MOV10L1: variants seen among roughly 807,000 people sequenced by gnomAD.
The protein encoded by MOV10L1 is Mov10 like RNA helicase 1.
A neutral mutation model predicts 143.8 loss-of-function variants in MOV10L1; 110 were observed. That is an observed-to-expected ratio of 0.76 (90% confidence interval 0.66 to 0.90). The LOEUF is 0.90. Among genes scored for constraint, MOV10L1 ranks in the 40% least tolerant of loss-of-function variants. The pLI, the probability that MOV10L1 is intolerant of heterozygous loss-of-function variation, is 0.00. For missense variants in MOV10L1, 1,406 were observed against 1,526.8 expected, an observed-to-expected ratio of 0.92 and a Z score of 1.32; for synonymous variants, 593 against 581.1, an observed-to-expected ratio of 1.02 and a Z score of -0.29.
intron 5 of MOV10L1, among the ~76,000 whole-genome samples, chr22:50,110,390 A>G (rs574876856): frequency 1.3e-5 from 2 of 151,442 alleles, no homozygotes; most frequent in African/African-American, 4.9e-5. Flanking sequence ...CGGAGCTTGC[A>G]GTGAGCCGAG....
intron 10 of MOV10L1, among the ~76,000 whole-genome samples, chr22:50,125,156 G>A (rs189042973): frequency 2.6e-5 from 4 of 152,296 alleles, no homozygotes; most frequent in Admixed American, 1.3e-4. Flanking sequence ...GAGGGACACC[G>A]CCAGCTGGAG....
chr22:50,115,036 A>T (rs1486379755), intron 7 of MOV10L1, 78 bp from the exon 8 acceptor site: 32 of 1,446,600 alleles, frequency 2.2e-5, no homozygotes, highest in Non-Finnish European at 2.9e-5. Flanking sequence ...GAGAGTATTC[A>T]TTTCCACTAA....
At chr22:50,103,357 G>A (rs543925367) in intron 3 of MOV10L1, among the ~76,000 whole-genome samples, 6 of 152,292 alleles carry the variant, frequency 3.9e-5, no homozygotes, top group East Asian at 3.9e-4. Context: ...CGAATGTCTG[G>A]TAAACCCTCT....
In MOV10L1 at chr22:50,142,152, G is replaced by A. The variant is rs535808961; in HGVS notation, c.2142G>A (p.Pro714=). 48 of 1,613,352 alleles carry A rather than the reference G, an allele frequency of 3.0e-5. No homozygotes were observed. Among genetic ancestry groups the A allele is most frequent in the East Asian group, 6.7e-5 (3 of 44,794 alleles). ...GGCGTGTTGGTGACAAGGACCTGCC[G>A]GTGCTGGCACCCTTTACTGCAGAGA... ...EERRVGDKDL[P]VLAPFTAEMS... is the part of the protein sequence containing the mutation. The change falls in exon 16 of 27, where the codon CCG becomes CCA. Residue 714 remains proline (P), a synonymous_variant. Coordinates refer to ENST00000262794, the MANE Select transcript of MOV10L1 (RefSeq NM_018995.3).
At chr22:50,090,636 T>G in intron 1 of MOV10L1, 1 of 1,202,176 alleles carries the variant, frequency 8.3e-7, no homozygotes, top group Non-Finnish European at 1.2e-6. Context: ...AAGCCCGGGA[T>G]GCGCCCGGAT....
chr22:50,133,824 G>A (rs1365581480), intron 13 of MOV10L1, among the ~76,000 whole-genome samples, 183 bp from the exon 14 acceptor site: 1 of 152,090 alleles, frequency 6.6e-6, no homozygotes, highest in Non-Finnish European at 1.5e-5. Flanking sequence ...GATTACACAC[G>A]TGAGCCACCG....
intron 1 of MOV10L1, chr22:50,091,426 G>A (rs1169381970): frequency 1.8e-5 from 3 of 164,986 alleles, no homozygotes; most frequent in Admixed American, 6.5e-5. Context: ...CACCGTGTTT[G>A]TTGAGATTCT....
chr22:50,092,993 T>C (rs1047971990), intron 2 of MOV10L1: 3 of 152,146 alleles, frequency 2.0e-5, no homozygotes, highest in Non-Finnish European at 4.4e-5. Flanking sequence ...CTCCGCCTCC[T>C]GGGTTCACGC....
intron 16 of MOV10L1, 81 bp downstream of exon 16, chr22:50,142,270 C>T (rs9617102): frequency 0.14 from 159,285 of 1,125,290 alleles, 11,871 homozygotes; most frequent in Admixed American, 0.21. Flanking sequence ...AGTGGGCTCT[C>T]ATGCAGAAGG....
chr22:50,117,015 T>A lies in MOV10L1; in HGVS notation c.1260-142T>A, dbSNP rs1328348870. On this transcript the variant is annotated intron_variant, in intron 8 of 26. Coordinates refer to ENST00000262794, the MANE Select transcript of MOV10L1 (RefSeq NM_018995.3). ...ATTACATAGCTTATTTTAGAAGATC[T>A]CTTTTTTCTCTGTAAAAAGAATTAT... 7 of 788,232 alleles carry A rather than the reference T, an allele frequency of 8.9e-6. No individual in the cohort carries two copies. The East Asian group carries it at 1.8e-4, about 21-fold the overall frequency. The allele number at this position is 788,232 out of a possible 1,614,324, so 48.8% of individuals were successfully genotyped here.
chr22:50,129,820 G>A (rs923414244), intron 13 of MOV10L1, among the ~76,000 whole-genome samples: 5 of 152,156 alleles, frequency 3.3e-5, no homozygotes, highest in East Asian at 1.9e-4. Flanking sequence ...TTCGTGGGCC[G>A]TAAAATGTTC....
chr22:50,120,429 T>C, intron 9 of MOV10L1, 73 bp from the exon 10 acceptor site: 1 of 932,692 alleles, frequency 1.1e-6, no homozygotes, highest in South Asian at 1.5e-5. Flanking sequence ...TAGGAAAGGA[T>C]GTTTAGGTAA....
chr22:50,149,965 G>A (rs534793592), intron 20 of MOV10L1, among the ~76,000 whole-genome samples: 1 of 152,246 alleles, frequency 6.6e-6, no homozygotes, highest in East Asian at 1.9e-4. Flanking sequence ...CAGCGGTAAA[G>A]TCAGGAATGT....
In MOV10L1 at chr22:50,128,905, G is replaced by A. The variant is rs576925712; in HGVS notation, c.1910+398G>A. Among the ~76,000 whole-genome samples the A allele has an allele frequency of 3.3e-4, 50 of 151,360 alleles. No homozygotes were observed. The South Asian group carries it at 9.6e-3, about 29-fold the overall frequency. ...TGGTCATAAACTCCTAGGCTCAAGCGATCCTCCTGCGTCAGCCTCCCAAAG... is the reference window on the plus strand; with the variant it reads ...TGGTCATAAACTCCTAGGCTCAAGCAATCCTCCTGCGTCAGCCTCCCAAAG... On this transcript the variant is annotated intron_variant, in intron 13 of 26. Coordinates refer to ENST00000262794, the MANE Select transcript of MOV10L1 (RefSeq NM_018995.3).
chr22:50,097,968 G>T (rs2062631261), intron 2 of MOV10L1, among the ~76,000 whole-genome samples: 1 of 151,952 alleles, frequency 6.6e-6, no homozygotes, highest in Admixed American at 6.6e-5. Context: ...CAAGTAGCTG[G>T]GACTGCAGGT....
chr22:50,161,101 C>T (rs763571303), intron 26 of MOV10L1, 46 bp downstream of exon 26: 29 of 1,581,120 alleles, frequency 1.8e-5, no homozygotes, highest in East Asian at 1.3e-4. Context: ...GGCTCTAGAA[C>T]GTGCTCTAGC....
intron 13 of MOV10L1, among the ~76,000 whole-genome samples, 178 bp from the exon 14 acceptor site, chr22:50,133,829 C>T (rs1330848695): frequency 6.6e-6 from 1 of 152,150 alleles, no homozygotes; most frequent in Non-Finnish European, 1.5e-5. Context: ...CACACGTGAG[C>T]CACCGCGCCC....
chr22:50,156,758 G>A (rs919520413), intron 22 of MOV10L1, among the ~76,000 whole-genome samples: 13 of 152,168 alleles, frequency 8.5e-5, no homozygotes, highest in East Asian at 1.9e-4. Flanking sequence ...CATACTTGGC[G>A]TATCAGTTCA....
intron 3 of MOV10L1, among the ~76,000 whole-genome samples, chr22:50,100,520 T>C (rs1046837914): frequency 6.6e-6 from 1 of 152,078 alleles, no homozygotes; most frequent in African/African-American, 2.4e-5. Context: ...TCTTTCTTTC[T>C]TTCTTTTTTT....
Sources: allele counts gnomAD v4.1 joint callset (sites outside exome capture counted in the v4.1 genomes callset), GRCh38; gene constraint gnomAD v4.1.1; transcripts MANE v1.5; gene names NCBI Gene and HGNC (gene_info 2026-07-23, HGNC 2026-07-21).